Variants in ASCC2 observed in about 807,000 individuals in gnomAD.
The protein encoded by ASCC2 is ASC-1 complex subunit P100.
ASCC2 carries 42 observed loss-of-function variants against 93.5 expected under a neutral mutation model. The ratio of observed to expected loss-of-function variants is 0.45; its 90% CI spans 0.35 to 0.58. ASCC2 has a LOEUF of 0.58. ASCC2 is among the 20% of genes least tolerant of loss of function. The pLI, the probability that ASCC2 is intolerant of heterozygous loss-of-function variation, is 0.00. For missense variants in ASCC2, 859 were observed against 977.6 expected (o/e 0.88, Z 1.62); for synonymous variants, 364 against 384.2 (o/e 0.95, Z 0.62).
At chr22:29,814,891 C>T (rs1469136856) in intron 6 of ASCC2, 124 bp from the exon 7 acceptor site, 2 of 719,866 alleles carry the variant, frequency 2.8e-6, no homozygotes, top group Non-Finnish European at 4.6e-6. Context: ...CCCATGTTTC[C>T]AGGATATAAG....
Sources: allele counts gnomAD v4.1 joint callset, GRCh38; gene constraint gnomAD v4.1.1; transcripts MANE v1.5; gene names NCBI Gene and HGNC (gene_info 2026-07-23, HGNC 2026-07-21).